The following SLC39A11 variants were observed in gnomAD, a reference collection of about 807,000 sequenced individuals.
SLC39A11 encodes the protein zinc transporter ZIP11.
A neutral mutation model predicts 36.1 loss-of-function variants in SLC39A11; 33 were observed. That is an observed-to-expected ratio of 0.91 (90% CI 0.69 to 1.22). The LOEUF (loss-of-function observed/expected upper bound fraction) is 1.22. SLC39A11 is among the 50% of genes most tolerant of loss of function. SLC39A11 has a pLI of 0.00. For missense variants in SLC39A11, 432 were observed against 430.3 expected (o/e 1.00, Z -0.03); for synonymous variants, 166 against 170.3 (o/e 0.97, Z 0.20).
rs1045234465 is a variant in SLC39A11, at chr17:72,646,225, T to C, written c.*1359A>G. ...GCAGGAGATTCACCCTTGGAAGCAA[T>C]TGAATGTGTAAACTCTGAGAGCAGA... On this transcript the variant is annotated 3_prime_UTR_variant, in exon 10 of 10. Coordinates refer to ENST00000255559, the MANE Select transcript of SLC39A11 (RefSeq NM_139177.4). 2.6e-5 allele frequency: 4 copies of C among 152,640 alleles called. No homozygotes were observed. Among genetic ancestry groups the C allele is most frequent in the African/African-American group, 7.2e-5 (3 of 41,458 alleles). The allele number at this position is 152,640 out of a possible 1,614,324, so 9.5% of individuals were successfully genotyped here.
chr17:72,801,342 T>TC (rs1364652262), intron 6 of SLC39A11, among the ~76,000 whole-genome samples: 1 of 152,236 alleles, frequency 6.6e-6, no homozygotes, highest in African/African-American at 2.4e-5. Context: ...TGCCTCAGCC[T>TC]CCTGAGTATC....
intron 5 of SLC39A11, among the ~76,000 whole-genome samples, chr17:72,895,205 G>T (rs1358289280): frequency 6.6e-6 from 1 of 152,130 alleles, no homozygotes; most frequent in Non-Finnish European, 1.5e-5. Flanking sequence ...GGGTTGGTGC[G>T]ATGGGAGAAG....
rs77570495 is a variant in SLC39A11 at position 72,851,329 on chromosome 17, G to C, written c.431-1525C>G. Among the ~76,000 whole-genome samples, 1,290 of 152,300 alleles carry C rather than the reference G, an allele frequency of 8.5e-3. 16 individuals carry two copies. Among genetic ancestry groups the C allele is most frequent in the Non-Finnish European group, 8.3e-3 (566 of 68,030 alleles). ...AATTGTGTGGATTTGAAATTGGGAG[G>C]ACAAGAGTGGGAGAGAGCATCCAGC... On this transcript the variant is annotated intron_variant, in intron 5 of 9. Coordinates refer to ENST00000255559, the MANE Select transcript of SLC39A11 (RefSeq NM_139177.4).
At chr17:72,944,922 G>C (rs2085336028) in intron 5 of SLC39A11, among the ~76,000 whole-genome samples, 1 of 152,218 alleles carries the variant, frequency 6.6e-6, no homozygotes, top group South Asian at 2.1e-4. Flanking sequence ...GGATGCACAA[G>C]AAACTAGAAA....
At chr17:72,801,160 G>A (rs1031710856) in intron 6 of SLC39A11, among the ~76,000 whole-genome samples, 12 of 152,206 alleles carry the variant, frequency 7.9e-5, no homozygotes, top group African/African-American at 2.9e-4. Flanking sequence ...GAGAGGGAAT[G>A]GGGTTGGGGG....
chr17:72,990,419 T>C (rs2089081110), intron 4 of SLC39A11, among the ~76,000 whole-genome samples: 2 of 152,142 alleles, frequency 1.3e-5, no homozygotes, highest in South Asian at 4.1e-4. Flanking sequence ...TCAGGATTTT[T>C]TTTCTCTCTC....
At position 72,933,217 on chromosome 17, in the gene SLC39A11, G is replaced by C. The variant is rs1339249992; in HGVS notation, c.430+14535C>G. On this transcript the variant is annotated intron_variant, in intron 5 of 9. Transcript: ENST00000255559. ...AAAAATTCTTAGAACCAATAAATGA[G>C]TTTAGTGAGGTTGGAGGATACAGGG... 3.3e-5 allele frequency among the ~76,000 whole-genome samples: 5 copies of C among 152,282 alleles called. No homozygotes were observed. The East Asian group carries it at 9.6e-4, about 29-fold the overall frequency.
intron 3 of SLC39A11, among the ~76,000 whole-genome samples, chr17:73,033,234 G>A (rs1382846629): frequency 1.3e-5 from 2 of 152,202 alleles, no homozygotes; most frequent in Non-Finnish European, 2.9e-5. Flanking sequence ...GTGCGGCCTG[G>A]TTCCTAACAG....
intron 7 of SLC39A11, among the ~76,000 whole-genome samples, chr17:72,672,225 G>T (rs996901805): frequency 2.0e-5 from 3 of 152,200 alleles, no homozygotes; most frequent in Non-Finnish European, 4.4e-5. Flanking sequence ...GAGGTGGGTG[G>T]ATCACTTCAG....
intron 3 of SLC39A11, among the ~76,000 whole-genome samples, chr17:73,037,320 G>C (rs1044280734): frequency 3.9e-5 from 6 of 152,232 alleles, no homozygotes; most frequent in African/African-American, 1.4e-4. Flanking sequence ...GTGGGGAGGT[G>C]AAACTCTCAA....
At chr17:72,770,947 C>T (rs553925077) in intron 6 of SLC39A11, among the ~76,000 whole-genome samples, 1 of 151,978 alleles carries the variant, frequency 6.6e-6, no homozygotes, top group East Asian at 1.9e-4. Flanking sequence ...ACGAGTAAAC[C>T]GTAGGAGGTT....
intron 5 of SLC39A11, among the ~76,000 whole-genome samples, chr17:72,901,325 C>T (rs2082385570): frequency 6.6e-6 from 1 of 152,182 alleles, no homozygotes; most frequent in South Asian, 2.1e-4. Flanking sequence ...TGGAGATAGT[C>T]AGTGTGTGGC....
At chr17:73,068,022 T>G (rs1189880116) in intron 3 of SLC39A11, 6 of 1,591,572 alleles carry the variant, frequency 3.8e-6, no homozygotes, top group Non-Finnish European at 5.2e-6. Flanking sequence ...TTAAGAAACT[T>G]TTTGATGAAG....
At chr17:73,059,713 AG>A (rs1306141308) in intron 3 of SLC39A11, among the ~76,000 whole-genome samples, 1 of 150,468 alleles carries the variant, frequency 6.6e-6, no homozygotes. Context: ...AGGAAAAAAA[AG>A]ATATGTTTTT....
At chr17:72,794,613 T>C (rs1453113459) in intron 6 of SLC39A11, among the ~76,000 whole-genome samples, 1 of 152,018 alleles carries the variant, frequency 6.6e-6, no homozygotes, top group East Asian at 1.9e-4. Context: ...TCCTCCCTTC[T>C]TTTCCTGCAT....
At chr17:73,050,954 G>A (rs200908686) in intron 3 of SLC39A11, among the ~76,000 whole-genome samples, 1 of 152,046 alleles carries the variant, frequency 6.6e-6, no homozygotes, top group African/African-American at 2.4e-5. Flanking sequence ...CTTGTCAATG[G>A]AAGAATAAGG....
intron 7 of SLC39A11, among the ~76,000 whole-genome samples, chr17:72,698,395 A>T (rs2072418460): frequency 6.6e-6 from 1 of 151,448 alleles, no homozygotes; most frequent in Admixed American, 6.6e-5. Flanking sequence ...GATAACACAC[A>T]TACGGGGTTT....
intron 7 of SLC39A11, among the ~76,000 whole-genome samples, chr17:72,729,432 TATATATATATATATATATATA>T (rs2074094657): frequency 8.7e-4 from 3 of 3,460 alleles, no homozygotes; most frequent in South Asian, 8.5e-3. Flanking sequence ...TATATATATA[TATATATATATATATATATATA>T]TATATTTTTT....
At chr17:72,758,912 T>C (rs1248346720) in intron 6 of SLC39A11, among the ~76,000 whole-genome samples, 1 of 152,164 alleles carries the variant, frequency 6.6e-6, no homozygotes, top group Non-Finnish European at 1.5e-5. Context: ...GGCGACAGCC[T>C]GGCTAACATG....
Sources: allele counts gnomAD v4.1 joint callset (sites outside exome capture counted in the v4.1 genomes callset), GRCh38; gene constraint gnomAD v4.1.1; transcripts MANE v1.5; gene names NCBI Gene and HGNC (gene_info 2026-07-23, HGNC 2026-07-21).